Variants in BBOF1 observed in about 807,000 individuals in gnomAD.
The protein encoded by BBOF1 is basal body orientation factor 1, also known as basal body-orientation factor 1.
In BBOF1, 62 loss-of-function variants were observed where a neutral mutation model predicts 68.0. That is an observed-to-expected ratio of 0.91 (90% CI 0.74 to 1.13). The LOEUF (loss-of-function observed/expected upper bound fraction) is 1.13. BBOF1 is among the 50% of genes most tolerant of loss of function. The pLI is 0.00. For synonymous variants in BBOF1, 208 were observed against 198.8 expected (o/e 1.05, Z -0.39); for missense variants, 534 against 600.1 (o/e 0.89, Z 1.15).
At chr14:74,032,693 A>G (rs546336021) in intron 3 of BBOF1, among the ~76,000 whole-genome samples, 101 of 144,938 alleles carry the variant, frequency 7.0e-4, no homozygotes, top group Non-Finnish European at 1.3e-3. Context: ...GGGGTTTCAC[A>G]ATGTTGGCCA....
chr14:74,054,392 T>A (rs1474339062), intron 8 of BBOF1, among the ~76,000 whole-genome samples: 1 of 151,668 alleles, frequency 6.6e-6, no homozygotes, highest in Non-Finnish European at 1.5e-5. Context: ...GTTGTTTTTT[T>A]TTTTGAGTCG....
chr14:74,075,236 C>T (rs550003357), intron 9 of BBOF1, among the ~76,000 whole-genome samples: 30 of 152,122 alleles, frequency 2.0e-4, no homozygotes, highest in Non-Finnish European at 2.8e-4. Flanking sequence ...CAGGATAGTA[C>T]TGATTAAAAA....
intron 11 of BBOF1, among the ~76,000 whole-genome samples, chr14:74,062,224 G>A (rs1365828126): frequency 2.6e-5 from 4 of 151,816 alleles, no homozygotes; most frequent in Non-Finnish European, 5.9e-5. Flanking sequence ...GGAGAGGGTG[G>A]GCAGGGAACA....
chr14:74,030,818 G>A (rs1490333719), intron 3 of BBOF1, among the ~76,000 whole-genome samples: 4 of 151,028 alleles, frequency 2.6e-5, no homozygotes, highest in Non-Finnish European at 5.9e-5. Context: ...CCCTCTCCCT[G>A]TAGAAAACCA....
At chr14:74,076,079 C>G (rs1042835399) in intron 9 of BBOF1, among the ~76,000 whole-genome samples, 7 of 152,080 alleles carry the variant, frequency 4.6e-5, no homozygotes, top group Admixed American at 2.6e-4. Flanking sequence ...ACGAGGGAAA[C>G]TTTTTGGGGT....
chr14:74,056,214 T>G (rs1290699013), intron 9 of BBOF1, among the ~76,000 whole-genome samples: 2 of 150,112 alleles, frequency 1.3e-5, no homozygotes, highest in South Asian at 2.1e-4. Flanking sequence ...TTTTTTTTTT[T>G]TTTTGAGAAG....
intron 6 of BBOF1, among the ~76,000 whole-genome samples, chr14:74,047,211 T>A (rs2059970264): frequency 6.6e-6 from 1 of 152,128 alleles, no homozygotes; most frequent in Non-Finnish European, 1.5e-5. Context: ...CTTAATGGTT[T>A]ATTTCTTGTT....
Position 74,034,132 on chromosome 14 carries a change from C to G in BBOF1, c.456C>G (p.Phe152Leu). The G allele has an allele frequency of 6.3e-7, 1 of 1,587,708 alleles. No individual in the cohort carries two copies. Among genetic ancestry groups the G allele is most frequent in the South Asian group, 1.2e-5 (1 of 85,574 alleles). ...IHTELKAVRQ[F>L]QKRKIQVERE... ...CAGAGCTGAAAGCAGTAAGACAATT[C>G]CAGAAGAGAAAAATCCAAGTGGAGA... Residue 152 changes from phenylalanine (F) to leucine (L), a missense_variant, in exon 4 of 12, where the codon TTC (phenylalanine) becomes TTG (leucine). Physicochemically the swap from Phe to Leu is conservative, Grantham distance 22. Coordinates refer to ENST00000394009, the MANE Select transcript of BBOF1 (RefSeq NM_025057.3).
At chr14:74,024,631 A>G (rs1824379497) in intron 2 of BBOF1, among the ~76,000 whole-genome samples, 2 of 151,860 alleles carry the variant, frequency 1.3e-5, no homozygotes, top group Non-Finnish European at 2.9e-5. Context: ...TGCCTGGCTA[A>G]TTTTTTGTAT....
intron 8 of BBOF1, chr14:74,055,299 C>T: frequency 3.3e-6 from 1 of 306,626 alleles, no homozygotes; most frequent in South Asian, 2.9e-5. Flanking sequence ...CAGACAGCTG[C>T]CACCATGCCC....
chr14:74,044,482 T>TC (rs1423447866), intron 5 of BBOF1, among the ~76,000 whole-genome samples: 1 of 149,736 alleles, frequency 6.7e-6, no homozygotes, highest in Admixed American at 6.7e-5. Context: ...TCTCTTTTTT[T>TC]TTTTTTTTTA....
chr14:74,064,315 T>A (rs58066285), intron 11 of BBOF1, among the ~76,000 whole-genome samples: 13,743 of 144,202 alleles, frequency 0.095, 978 homozygotes, highest in East Asian at 0.42. Flanking sequence ...AAAAAAATAA[T>A]AATAATAATA....
Position 74,040,569 on chromosome 14 carries a change from AAG to A in BBOF1, c.504_505del (p.Asn169PhefsTer13), listed in dbSNP as rs770674146. On this transcript the variant is annotated frameshift_variant, in exon 5 of 12. Coordinates refer to ENST00000394009, the MANE Select transcript of BBOF1 (RefSeq NM_025057.3). LOFTEE classifies it high-confidence loss of function. The stretch of plus-strand genomic sequence containing the variant: ...TGTTTGTTATTTTAATTTTAGCTGA[AAG>A]AGAATTTAAGAAACACAGAGCGGAT... 22 of 1,567,376 alleles carry A rather than the reference AAG, an allele frequency of 1.4e-5. 1 individual carries two copies. The South Asian group carries it at 2.2e-4, about 16-fold the overall frequency.
At chr14:74,076,274 T>G (rs556243416) in intron 9 of BBOF1, among the ~76,000 whole-genome samples, 4 of 152,332 alleles carry the variant, frequency 2.6e-5, no homozygotes, top group African/African-American at 9.6e-5. Context: ...AGATAATATT[T>G]GATGGAGTAA....
Position 74,065,234 on chromosome 14 carries a change from T to C in BBOF1, c.*535T>C. The C allele has an allele frequency of 6.2e-7, 1 of 1,614,138 alleles. No homozygotes were observed. Among genetic ancestry groups the C allele is most frequent in the East Asian group, 2.2e-5 (1 of 44,886 alleles). On this transcript the variant is annotated 3_prime_UTR_variant, in exon 12 of 12. Coordinates refer to ENST00000394009, the MANE Select transcript of BBOF1 (RefSeq NM_025057.3). ...TTCCGAGCAGTGGCTCCATTGGTGG[T>C]GAAGATGGCAGTTCCATTTCCATAT...
In BBOF1 at chr14:74,064,647, C is replaced by G. The variant is rs749290990; in HGVS notation, c.1579-41C>G. ...TTGCTTTGAATTATTCAGGAAGAAG[C>G]AGCTTTGGCAAAATTTTGTTAACTT... On this transcript the variant is annotated intron_variant, in intron 11 of 11. Coordinates refer to ENST00000394009, the MANE Select transcript of BBOF1 (RefSeq NM_025057.3). 8.1e-6 allele frequency: 13 copies of G among 1,607,970 alleles called. No homozygotes were observed. The East Asian group carries it at 2.7e-4, about 33-fold the overall frequency.
intron 11 of BBOF1, among the ~76,000 whole-genome samples, chr14:74,061,077 A>ATGTG (rs1421186005): frequency 2.0e-4 from 31 of 151,430 alleles, no homozygotes; most frequent in East Asian, 1.2e-3. Flanking sequence ...TCCCGGGTTC[A>ATGTG]AGCAGCTCTC....
intron 4 of BBOF1, among the ~76,000 whole-genome samples, chr14:74,034,644 G>A (rs35265820): frequency 2.7e-3 from 405 of 152,216 alleles, no homozygotes; most frequent in Admixed American, 4.8e-3. Flanking sequence ...ACTTTCCTCG[G>A]CTTAGAATAT....
At chr14:74,057,301 C>G in intron 11 of BBOF1, 43 bp downstream of exon 11, 1 of 1,613,366 alleles carries the variant, frequency 6.2e-7, no homozygotes, top group Non-Finnish European at 8.5e-7. Context: ...ATTGTTGTCA[C>G]CCTTCCCCAT....
Sources: allele counts gnomAD v4.1 joint callset (sites outside exome capture counted in the v4.1 genomes callset), GRCh38; gene constraint gnomAD v4.1.1; transcripts MANE v1.5; gene names NCBI Gene and HGNC (gene_info 2026-07-23, HGNC 2026-07-21).